KL: variants seen among roughly 807,000 people sequenced by gnomAD.
KL encodes the protein klotho.
Under a neutral mutation model 84.2 loss-of-function variants are expected in KL, and 62 were observed. That is an observed-to-expected ratio of 0.74 (90% CI 0.60 to 0.91). The LOEUF is 0.91. Among genes scored for constraint, KL ranks in the 40% least tolerant of loss-of-function variants. The pLI is 0.00. For synonymous variants in KL, 528 were observed against 528.0 expected, an observed-to-expected ratio of 1.00 and a Z score of 0.00; for missense variants, 1,261 against 1,305.7, an observed-to-expected ratio of 0.97 and a Z score of 0.53.
chr13:33,019,658 CT>C (rs1870498413), intron 1 of KL, among the ~76,000 whole-genome samples: 1 of 150,606 alleles, frequency 6.6e-6, no homozygotes. Context: ...GAATGGAGGT[CT>C]TGGTGTTCTT....
chr13:33,042,341 AT>A (rs1871368026), intron 1 of KL, among the ~76,000 whole-genome samples: 3 of 152,200 alleles, frequency 2.0e-5, no homozygotes, highest in Non-Finnish European at 4.4e-5. Flanking sequence ...AAGTAAAGAT[AT>A]AGAATATTCT....
chr13:33,033,750 G>A (rs1393835245), intron 1 of KL, among the ~76,000 whole-genome samples: 1 of 151,934 alleles, frequency 6.6e-6, no homozygotes, highest in African/African-American at 2.4e-5. Flanking sequence ...CAGCGGAGAA[G>A]ACTGACTACT....
intron 1 of KL, among the ~76,000 whole-genome samples, chr13:33,032,230 C>T (rs1209431572): frequency 2.6e-5 from 4 of 152,202 alleles, no homozygotes; most frequent in Non-Finnish European, 4.4e-5. Context: ...TACATCATTA[C>T]AAAAACACTA....
chr13:33,042,870 C>T (rs551169271), intron 1 of KL, among the ~76,000 whole-genome samples: 2 of 152,068 alleles, frequency 1.3e-5, no homozygotes, highest in Admixed American at 6.5e-5. Flanking sequence ...TCAGTAGAGA[C>T]GGGGTTTCAC....
rs546717464 is a variant in KL, at chr13:33,061,699, G to T, written c.2620G>T (p.Gly874Ter). 4.3e-6 allele frequency: 7 copies of T among 1,613,854 alleles called. No homozygotes were observed. The highest frequency in any genetic ancestry group is 5.9e-6 in the Non-Finnish European group (7 of 1,179,772). ...CCTCCCCATGTACATAATATCCAAT[G>T]GAATCGATGACGGGCTGCATGCTGA... ...GDLPMYIISNGIDDGLHAEDD... is the reference protein window; with the variant it reads ...GDLPMYIISN Residue 874 changes from glycine to a stop codon, truncating the protein, a stop_gained, in exon 4 of 5, where the codon GGA becomes TGA. Transcript: ENST00000380099. LOFTEE classifies it high-confidence loss of function.
intron 1 of KL, among the ~76,000 whole-genome samples, chr13:33,051,033 A>AG (rs1293461713): frequency 6.6e-6 from 1 of 152,194 alleles, no homozygotes; most frequent in African/African-American, 2.4e-5. Context: ...ATTCCTTAGC[A>AG]GGGGTTGTTT....
At chr13:33,038,236 T>A (rs1249904622) in intron 1 of KL, among the ~76,000 whole-genome samples, 1 of 152,246 alleles carries the variant, frequency 6.6e-6, no homozygotes, top group African/African-American at 2.4e-5. Flanking sequence ...ATTGTAATCT[T>A]ATTTTCTAAA....
chr13:33,039,577 A>T (rs1871263841), intron 1 of KL, among the ~76,000 whole-genome samples: 2 of 152,278 alleles, frequency 1.3e-5, no homozygotes, highest in South Asian at 4.2e-4. Context: ...GCCAAACAAG[A>T]CTTCACAGGG....
Position 33,053,836 on chromosome 13 carries a change from G to A in KL, c.889G>A (p.Ala297Thr), listed in dbSNP as rs753320325. The A allele has an allele frequency of 3.7e-6, 6 of 1,613,860 alleles. No homozygotes were observed. The highest frequency in any genetic ancestry group is 1.7e-5 in the Admixed American group (1 of 59,998). The change falls in exon 2 of 5, where the codon GCC (alanine) becomes ACC (threonine). Residue 297 changes from alanine (A) to threonine (T), a missense_variant. Physicochemically the swap from Ala to Thr is moderately conservative, Grantham distance 58. Transcript: ENST00000380099. ...CACTCAGGGAGGTCAGGTGTCCATT[G>A]CCCTAAGCTCTCACTGGATCAATCC... The part of the protein sequence containing the change: ...RPTQGGQVSI[A>T]LSSHWINPRR...
chr13:33,065,795 A>G lies in KL; in HGVS notation c.*1609A>G, dbSNP rs527252784. ...TTATCTATAATCTCAGAACCCAGAA[A>G]TAGCCACTATTAACATTTCCTACGT... On this transcript the variant is annotated 3_prime_UTR_variant, in exon 5 of 5. Coordinates refer to ENST00000380099, the MANE Select transcript of KL (RefSeq NM_004795.4). 2 of 174,768 alleles carry G rather than the reference A, an allele frequency of 1.1e-5. No homozygotes were observed. The highest frequency in any genetic ancestry group is 1.2e-5 in the Non-Finnish European group (1 of 81,110). 10.8% of individuals were successfully genotyped at this position (174,768 alleles called of 1,614,324 possible).
chr13:33,018,124 C>T (rs1057479198), intron 1 of KL, among the ~76,000 whole-genome samples: 1 of 152,094 alleles, frequency 6.6e-6, no homozygotes, highest in Non-Finnish European at 1.5e-5. Flanking sequence ...AATTTAGGCA[C>T]CATTGTTTTG....
At chr13:33,057,495 C>T (rs546909305) in intron 3 of KL, among the ~76,000 whole-genome samples, 90 of 152,232 alleles carry the variant, frequency 5.9e-4, no homozygotes, top group African/African-American at 2.1e-3. Flanking sequence ...ACTCTAGAAG[C>T]TATTGTTTTA....
At chr13:33,057,722 TTTC>T (rs1250179480) in intron 3 of KL, among the ~76,000 whole-genome samples, 23 of 152,242 alleles carry the variant, frequency 1.5e-4, no homozygotes, top group African/African-American at 5.3e-4. Flanking sequence ...CAATTGCTAT[TTTC>T]TTCTTCTGGT....
At chr13:33,039,514 C>T (rs1018808423) in intron 1 of KL, among the ~76,000 whole-genome samples, 1 of 152,092 alleles carries the variant, frequency 6.6e-6, no homozygotes, top group Non-Finnish European at 1.5e-5. Context: ...GTTATTTACT[C>T]CTGCTTGTGG....
chr13:33,025,011 C>T lies in KL; in HGVS notation c.819+7752C>T, dbSNP rs529861677. Among the ~76,000 whole-genome samples the T allele has an allele frequency of 2.0e-5, 3 of 152,270 alleles. No homozygotes were observed. The East Asian group carries it at 5.8e-4, about 29-fold the overall frequency. On this transcript the variant is annotated intron_variant, in intron 1 of 4. Transcript: ENST00000380099. ...TCCTAACCTAGGGGGCCTTTTTACTCCTTCCTGGCCAGAGCTGCCATTTCC... is the reference window on the plus strand; with the variant it reads ...TCCTAACCTAGGGGGCCTTTTTACTTCTTCCTGGCCAGAGCTGCCATTTCC...
intron 1 of KL, among the ~76,000 whole-genome samples, chr13:33,046,183 T>C (rs9536297): frequency 0.14 from 20,887 of 152,240 alleles, 1,497 homozygotes; most frequent in South Asian, 0.16. Context: ...AAGTGTTCTT[T>C]CTTCTATTTT....
At chr13:33,060,455 A>G (rs1011793841) in intron 3 of KL, among the ~76,000 whole-genome samples, 2 of 152,228 alleles carry the variant, frequency 1.3e-5, no homozygotes, top group Admixed American at 1.3e-4. Context: ...CACATTAAAG[A>G]AACAGTTGAA....
rs7984203 is a variant in KL at position 33,037,656 on chromosome 13, A to T, written c.820-16111A>T. Among the ~76,000 whole-genome samples the T allele has an allele frequency of 3.1e-3, 475 of 152,188 alleles. 3 individuals are homozygous for T. Among genetic ancestry groups the T allele is most frequent in the African/African-American group, 0.011 (450 of 41,514 alleles). ...GACTCTGGCTTTATCCATGTGACTT[A>T]CTTTAGCCAACAATCATAATGCTGG... On this transcript the variant is annotated intron_variant, in intron 1 of 4. Coordinates refer to ENST00000380099, the MANE Select transcript of KL (RefSeq NM_004795.4).
chr13:33,061,876 T>A, intron 4 of KL, 96 bp downstream of exon 4: 2 of 1,288,054 alleles, frequency 1.6e-6, no homozygotes, highest in Non-Finnish European at 2.2e-6. Flanking sequence ...ACTGCCACCC[T>A]TGGAATGGAG....
Sources: allele counts gnomAD v4.1 joint callset (sites outside exome capture counted in the v4.1 genomes callset), GRCh38; gene constraint gnomAD v4.1.1; transcripts MANE v1.5; gene names NCBI Gene and HGNC (gene_info 2026-07-23, HGNC 2026-07-21).